CNTNAP2: variants seen among roughly 807,000 people sequenced by gnomAD.
CNTNAP2 encodes contactin-associated protein-like 2.
Under a neutral mutation model 155.2 loss-of-function variants are expected in CNTNAP2, and 98 were observed. The ratio of observed to expected loss-of-function variants is 0.63; its 90% CI spans 0.54 to 0.75. The LOEUF (loss-of-function observed/expected upper bound fraction) is 0.75, where lower values mean the gene tolerates loss of function less well. Ranked by LOEUF, CNTNAP2 falls within the 30% of genes least tolerant of loss-of-function variation. The pLI, the probability that CNTNAP2 is intolerant of heterozygous loss-of-function variation, is 0.00. For missense variants in CNTNAP2, 1,727 were observed against 1,688.1 expected (o/e 1.02, Z -0.40); for synonymous variants, 651 against 631.2 (o/e 1.03, Z -0.47).
rs1414610176 is a variant in CNTNAP2, at chr7:146,403,207, TG to T, written c.97+286235del. Among the ~76,000 whole-genome samples the T allele has an allele frequency of 2.6e-5, 4 of 152,142 alleles. No homozygotes were observed. The East Asian group carries it at 7.7e-4, about 29-fold the overall frequency. ...TTTTCAAAAACTATAATCTTCTCAG[TG>T]TTACTAATTATGAAATTCATAAAAT... On this transcript the variant is annotated intron_variant, in intron 1 of 23. Transcript: ENST00000361727.
At chr7:148,305,973 T>A (rs930231089) in intron 21 of CNTNAP2, among the ~76,000 whole-genome samples, 3 of 152,262 alleles carry the variant, frequency 2.0e-5, no homozygotes, top group Non-Finnish European at 2.9e-5. Flanking sequence ...GTCCCTTTTT[T>A]AAAAATGGAG....
At chr7:146,875,319 G>T (rs1242300414) in intron 3 of CNTNAP2, among the ~76,000 whole-genome samples, 1 of 152,114 alleles carries the variant, frequency 6.6e-6, no homozygotes. Flanking sequence ...TATATCTTAG[G>T]ATCTGACTAA....
rs145663825 is a variant in CNTNAP2, at chr7:146,490,370, G to A, written c.98-283901G>A. Among the ~76,000 whole-genome samples the A allele has an allele frequency of 7.9e-4, 120 of 152,252 alleles. 2 individuals carry two copies. Among genetic ancestry groups the A allele is most frequent in the Admixed American group, 7.1e-3 (108 of 15,286 alleles). On this transcript the variant is annotated intron_variant, in intron 1 of 23. Transcript: ENST00000361727. ...AATATACAAGATAAATTAGAAAAAT[G>A]TATACTATGCTAAGTATTGGTAAGT... is the stretch of plus-strand genomic sequence containing the variant.
chr7:146,832,360 C>G (rs926084572), intron 2 of CNTNAP2, among the ~76,000 whole-genome samples: 1 of 151,606 alleles, frequency 6.6e-6, no homozygotes, highest in Admixed American at 6.6e-5. Context: ...TGGTCTTAGT[C>G]TAGAACTTCT....
chr7:147,297,186 T>C (rs1044017814), intron 8 of CNTNAP2, among the ~76,000 whole-genome samples: 2 of 152,228 alleles, frequency 1.3e-5, no homozygotes, highest in African/African-American at 4.8e-5. Context: ...GCTATTTTTA[T>C]TGCTTTTTTA....
intron 8 of CNTNAP2, among the ~76,000 whole-genome samples, chr7:147,249,676 G>A (rs1311850291): frequency 6.9e-6 from 1 of 144,686 alleles, no homozygotes; most frequent in Non-Finnish European, 1.5e-5. Context: ...AAGATTCAGA[G>A]CTGGAGTTGG....
chr7:148,282,841 C>CA (rs60221442), intron 21 of CNTNAP2, among the ~76,000 whole-genome samples: 78,423 of 151,958 alleles, frequency 0.52, 20,388 homozygotes, highest in South Asian at 0.6. Flanking sequence ...AGAAGATTGT[C>CA]AAAACACTTA....
chr7:148,304,283 AT>A (rs66997540), intron 21 of CNTNAP2, among the ~76,000 whole-genome samples: 91,676 of 148,990 alleles, frequency 0.62, 29,481 homozygotes, highest in East Asian at 0.79. Context: ...CTGGAAAAAA[AT>A]GTCTGCTGCC....
chr7:148,330,811 A>ATGGG (rs772108704), intron 21 of CNTNAP2, among the ~76,000 whole-genome samples: 6 of 72,556 alleles, frequency 8.3e-5, no homozygotes, highest in African/African-American at 1.7e-4. Context: ...GGATGGATGG[A>ATGGG]GTGGAGTGGA....
At chr7:146,938,451 GTA>G (rs1796973238) in intron 3 of CNTNAP2, among the ~76,000 whole-genome samples, 1 of 149,354 alleles carries the variant, frequency 6.7e-6, no homozygotes, top group Non-Finnish European at 1.5e-5. Context: ...GTATACATAT[GTA>G]CACATATATA....
intron 1 of CNTNAP2, among the ~76,000 whole-genome samples, chr7:146,354,099 C>T (rs1464014380): frequency 1.3e-5 from 2 of 152,168 alleles, no homozygotes; most frequent in Non-Finnish European, 2.9e-5. Context: ...GAACTCTGTG[C>T]TCCACATTTA....
chr7:147,900,642 A>T (rs939684002), intron 13 of CNTNAP2, among the ~76,000 whole-genome samples: 2 of 152,030 alleles, frequency 1.3e-5, no homozygotes, highest in Non-Finnish European at 2.9e-5. Context: ...TTTGAGACAG[A>T]GTCTCGCTCT....
chr7:148,383,983 G>T, intron 22 of CNTNAP2, 95 bp downstream of exon 22: 1 of 1,500,632 alleles, frequency 6.7e-7, no homozygotes, highest in Non-Finnish European at 9.0e-7. Context: ...AACCTCACTG[G>T]TAATGTCATT....
intron 8 of CNTNAP2, among the ~76,000 whole-genome samples, chr7:147,154,209 A>G (rs1801879728): frequency 6.6e-6 from 1 of 152,196 alleles, no homozygotes; most frequent in African/African-American, 2.4e-5. Flanking sequence ...TGAAACCTGG[A>G]TAAAGTGGTT....
chr7:146,954,549 G>C (rs532626318), intron 3 of CNTNAP2, among the ~76,000 whole-genome samples: 2 of 151,902 alleles, frequency 1.3e-5, no homozygotes, highest in Non-Finnish European at 2.9e-5. Context: ...TCAACTATTG[G>C]AGCAGACAAC....
chr7:147,664,435 T>C (rs1297598018), intron 13 of CNTNAP2, among the ~76,000 whole-genome samples: 3 of 152,208 alleles, frequency 2.0e-5, no homozygotes, highest in Admixed American at 6.5e-5. Flanking sequence ...CTCAAAAATC[T>C]GCCTCAAGAT....
At chr7:146,228,966 G>A (rs1170410867) in intron 1 of CNTNAP2, among the ~76,000 whole-genome samples, 3 of 151,926 alleles carry the variant, frequency 2.0e-5, no homozygotes, top group East Asian at 3.9e-4. Context: ...ATTATCTTTC[G>A]AATCACACAT....
chr7:146,684,638 G>C (rs1178903598), intron 1 of CNTNAP2, among the ~76,000 whole-genome samples: 3 of 4,394 alleles, frequency 6.8e-4, no homozygotes, highest in African/African-American at 1.2e-3. Flanking sequence ...TAGATCCAGC[G>C]CAAAAAAAAA....
intron 3 of CNTNAP2, among the ~76,000 whole-genome samples, chr7:146,969,616 A>G (rs112114224): frequency 0.04 from 5,944 of 150,230 alleles, 136 homozygotes; most frequent in South Asian, 0.078. Context: ...CTGTTTTATC[A>G]GAGACTAGGA....
Sources: gnomAD v4.1 joint callset for allele counts (sites outside exome capture counted in the v4.1 genomes callset) on GRCh38, gnomAD v4.1.1 for gene constraint, MANE v1.5 for transcripts, NCBI Gene and HGNC (gene_info 2026-07-23, HGNC 2026-07-21) for gene names.